The following COG2 variants were observed in gnomAD, a reference collection of about 807,000 sequenced individuals.
COG2 encodes component of oligomeric golgi complex 2, also known as conserved oligomeric Golgi complex subunit 2.
Under a neutral mutation model 90.6 loss-of-function variants are expected in COG2, and 52 were observed. That is an observed-to-expected ratio of 0.57 (90% CI 0.46 to 0.72). The LOEUF (loss-of-function observed/expected upper bound fraction) is 0.72, where lower values mean the gene tolerates loss of function less well. COG2 is among the 30% of genes least tolerant of loss of function. COG2 has a pLI of 0.00. For missense variants in COG2, 829 were observed against 891.2 expected (o/e 0.93, Z 0.89); for synonymous variants, 337 against 320.4 (o/e 1.05, Z -0.55).
chr1:230,643,446 A>G (rs1169308474), intron 1 of COG2, among the ~76,000 whole-genome samples: 1 of 152,204 alleles, frequency 6.6e-6, no homozygotes, highest in Non-Finnish European at 1.5e-5. Context: ...GTTTCTATTT[A>G]ATTTCCTGAG....
chr1:230,671,687 C>T (rs367775757), intron 8 of COG2, 47 bp downstream of exon 8: 23 of 1,589,824 alleles, frequency 1.4e-5, no homozygotes, highest in African/African-American at 8.1e-5. Context: ...TTTCAGTGAC[C>T]GCACCTGCTA....
chr1:230,677,959 A>G (rs535279038), intron 9 of COG2: 1 of 957,554 alleles, frequency 1.0e-6, no homozygotes, highest in South Asian at 4.8e-5. Flanking sequence ...ACACACCTAG[A>G]CCACCCTCTG....
chr1:230,679,198 A>G, intron 10 of COG2, 146 bp downstream of exon 10: 1 of 761,836 alleles, frequency 1.3e-6, no homozygotes, highest in Non-Finnish European at 2.0e-6. Context: ...GGAGAAAGAG[A>G]TATAAGAAGT....
At chr1:230,679,128 C>T in intron 10 of COG2, 76 bp downstream of exon 10, 2 of 1,374,184 alleles carry the variant, frequency 1.5e-6, no homozygotes, top group Non-Finnish European at 2.0e-6. Flanking sequence ...GATGTTGCCT[C>T]AGTTAGCGGC....
chr1:230,662,914 T>C (rs1038876914), intron 3 of COG2, among the ~76,000 whole-genome samples: 3 of 152,206 alleles, frequency 2.0e-5, no homozygotes, highest in African/African-American at 7.2e-5. Flanking sequence ...ATTGTATATA[T>C]ATTAATTTTC....
At chr1:230,662,315 A>T (rs185513889) in intron 3 of COG2, among the ~76,000 whole-genome samples, 1 of 152,208 alleles carries the variant, frequency 6.6e-6, no homozygotes, top group African/African-American at 2.4e-5. Flanking sequence ...GACTATTTCT[A>T]TCTTGTTCAC....
At chr1:230,687,597 T>C (rs539430657) in intron 13 of COG2, among the ~76,000 whole-genome samples, 35 of 152,364 alleles carry the variant, frequency 2.3e-4, no homozygotes, top group Middle Eastern at 3.4e-3. Context: ...TTAAAACTTC[T>C]TCCTCTTTTT....
chr1:230,690,394 GC>G lies in COG2; in HGVS notation c.1934+246del, dbSNP rs143137044. On this transcript the variant is annotated intron_variant, in intron 16 of 17. Coordinates refer to ENST00000366669, the MANE Select transcript of COG2 (RefSeq NM_007357.3). ...CTCGGGGCCGGGCCATGTGCACAGT[GC>G]CCCCGCATCTCCAGGCCCTGCCTGC... 2.9e-3 allele frequency: 1,110 copies of G among 380,648 alleles called. 14 individuals are homozygous for G. The highest frequency in any genetic ancestry group is 0.021 in the African/African-American group (1,010 of 47,714). The allele number at this position is 380,648 out of a possible 1,614,324, so 23.6% of individuals were successfully genotyped here. A position where few individuals can be genotyped will look rare whatever the true frequency, so the allele number is the denominator to read the frequency against.
intron 8 of COG2, among the ~76,000 whole-genome samples, 184 bp downstream of exon 8, chr1:230,671,824 A>G (rs767043003): frequency 6.6e-6 from 1 of 152,242 alleles, no homozygotes; most frequent in East Asian, 1.9e-4. Flanking sequence ...CCTCATTTCA[A>G]AGTTGTGGAA....
intron 13 of COG2, among the ~76,000 whole-genome samples, chr1:230,687,385 C>T (rs1209009921): frequency 6.6e-6 from 1 of 152,128 alleles, no homozygotes; most frequent in Non-Finnish European, 1.5e-5. Context: ...GTATTGTATT[C>T]ACCTCCACCC....
In COG2 at chr1:230,659,588, A is replaced by G. The variant is rs1662138828; in HGVS notation, c.197A>G (p.Lys66Arg). 1 of 1,613,900 alleles carries G rather than the reference A, an allele frequency of 6.2e-7. No homozygotes were observed. The highest frequency in any genetic ancestry group is 1.1e-5 in the South Asian group (1 of 90,988). Residue 66 changes from lysine to arginine, a missense_variant, in exon 2 of 18, where the codon AAG (lysine) becomes AGG (arginine). Coordinates refer to ENST00000366669, the MANE Select transcript of COG2 (RefSeq NM_007357.3). ...LKTAMVELIN[K>R]DYADFVNLST... ...ACAGCCATGGTCGAACTCATCAACA[A>G]GGATTATGCAGATTTTGTCAATCTT... is the stretch of plus-strand genomic sequence containing the variant.
chr1:230,656,653 A>G (rs1452911827), intron 1 of COG2, among the ~76,000 whole-genome samples: 4 of 152,164 alleles, frequency 2.6e-5, no homozygotes, highest in African/African-American at 9.7e-5. Flanking sequence ...TGTCTTGTTG[A>G]TCTGTCTAAT....
chr1:230,685,811 C>T (rs534489618), intron 12 of COG2, among the ~76,000 whole-genome samples: 9 of 152,282 alleles, frequency 5.9e-5, no homozygotes, highest in East Asian at 5.8e-4. Flanking sequence ...AGCACCAGCC[C>T]GGCGGGTCCT....
chr1:230,669,166 G>C, intron 6 of COG2, 190 bp from the exon 7 acceptor site: 1 of 508,652 alleles, frequency 2.0e-6, no homozygotes, highest in Non-Finnish European at 3.4e-6. Flanking sequence ...ATTCTTCTTT[G>C]ATGAAGCAGA....
At chr1:230,679,189 G>T in intron 10 of COG2, 137 bp downstream of exon 10, 1 of 804,292 alleles carries the variant, frequency 1.2e-6, no homozygotes. Context: ...ATTGAAAGTG[G>T]AGAAAGAGAT....
chr1:230,675,034 G>T lies in COG2; in HGVS notation c.936G>T (p.Leu312Phe). The T allele has an allele frequency of 1.2e-6, 2 of 1,611,730 alleles. No homozygotes were observed. Among genetic ancestry groups the T allele is most frequent in the Non-Finnish European group, 1.7e-6 (2 of 1,178,894 alleles). Residue 312 changes from leucine (L) to phenylalanine (F), a missense_variant, in exon 9 of 18, where the codon TTG becomes TTT. Leu to Phe is a conservative substitution (Grantham distance 22). Coordinates refer to ENST00000366669, the MANE Select transcript of COG2 (RefSeq NM_007357.3). ...ATACTGTTCCTGGATATGACTTTTT[G>T]GTGAATTCTGTTTGGCCACAAATAG... is the stretch of plus-strand genomic sequence containing the variant. ...KGNTVPGYDFLVNSVWPQIVQ... is the reference protein window; with the variant it reads ...KGNTVPGYDFFVNSVWPQIVQ...
In COG2 at chr1:230,688,549, G is replaced by A. The variant is rs758756274; in HGVS notation, c.1781G>A (p.Arg594Gln). Residue 594 changes from arginine (R) to glutamine (Q), a missense_variant, in exon 15 of 18, where the codon CGA becomes CAA. Arg to Gln is a conservative substitution (Grantham distance 43). Coordinates refer to ENST00000366669, the MANE Select transcript of COG2 (RefSeq NM_007357.3). ...KSALEVPRLY[R>Q]RTNKEVPTTA... ...GCCCTGGAGGTTCCCAGGCTTTACCGAAGAACCAATAAGGTCAGCGCCATT... is the reference window on the plus strand; with the variant it reads ...GCCCTGGAGGTTCCCAGGCTTTACCAAAGAACCAATAAGGTCAGCGCCATT... The A allele has an allele frequency of 1.1e-5, 17 of 1,613,924 alleles. No homozygotes were observed. In the South Asian group the frequency reaches 1.2e-4, roughly 11 times the overall value.
chr1:230,665,676 G>A (rs565676008), intron 5 of COG2, among the ~76,000 whole-genome samples: 4 of 152,168 alleles, frequency 2.6e-5, no homozygotes, highest in East Asian at 3.9e-4. Context: ...GTGGTCAATC[G>A]CTGCCATCTT....
At chr1:230,686,373 T>C (rs557060986) in intron 12 of COG2, among the ~76,000 whole-genome samples, 6 of 152,354 alleles carry the variant, frequency 3.9e-5, no homozygotes, top group African/African-American at 1.4e-4. Flanking sequence ...GCGTTCTTGC[T>C]AGCCAGGAAT....
Sources: gnomAD v4.1 joint callset for allele counts (sites outside exome capture counted in the v4.1 genomes callset) on GRCh38, gnomAD v4.1.1 for gene constraint, MANE v1.5 for transcripts, NCBI Gene and HGNC (gene_info 2026-07-23, HGNC 2026-07-21) for gene names.